Variants in TNKS2 observed in about 807,000 individuals in gnomAD.
TNKS2 encodes poly [ADP-ribose] polymerase tankyrase-2.
In TNKS2, 72 loss-of-function variants were observed where a neutral mutation model predicts 137.6. The observed-to-expected ratio is 0.52, with a 90% CI of 0.43 to 0.64. TNKS2 has a LOEUF of 0.64. Among genes scored for constraint, TNKS2 ranks in the 30% least tolerant of loss-of-function variants. The pLI is 0.00. For missense variants in TNKS2, 1,049 were observed against 1,410.2 expected (o/e 0.74, Z 4.10); for synonymous variants, 516 against 512.1 (o/e 1.01, Z -0.10).
intron 16 of TNKS2, among the ~76,000 whole-genome samples, chr10:91,844,370 C>T (rs1842302144): frequency 6.6e-6 from 1 of 152,128 alleles, no homozygotes; most frequent in Non-Finnish European, 1.5e-5. Context: ...TATTTCATGG[C>T]TTTAACAGCA....
chr10:91,862,262 A>T (rs1248324889), intron 26 of TNKS2, 107 bp downstream of exon 26: 7 of 905,390 alleles, frequency 7.7e-6, no homozygotes, highest in African/African-American at 1.7e-5. Flanking sequence ...TGGATTTTTT[A>T]AAAATTTTAT....
intron 16 of TNKS2, 87 bp from the exon 17 acceptor site, chr10:91,844,832 T>G: frequency 2.5e-6 from 2 of 792,078 alleles, no homozygotes; most frequent in Non-Finnish European, 4.0e-6. Context: ...ATGTAATGAC[T>G]TTTTTATGTT....
chr10:91,855,555 C>A, intron 22 of TNKS2, 59 bp from the exon 23 acceptor site: 1 of 1,338,326 alleles, frequency 7.5e-7, no homozygotes, highest in Non-Finnish European at 1.1e-6. Context: ...CCATGTTCCC[C>A]AAATCAGAAA....
chr10:91,808,066 T>C (rs1844387598), intron 1 of TNKS2, among the ~76,000 whole-genome samples: 1 of 151,168 alleles, frequency 6.6e-6, no homozygotes, highest in East Asian at 1.9e-4. Flanking sequence ...CAAATACTGC[T>C]ATGAACAGCA....
chr10:91,851,176 A>G, intron 20 of TNKS2, 40 bp from the exon 21 acceptor site: 2 of 1,606,878 alleles, frequency 1.2e-6, no homozygotes, highest in African/African-American at 2.7e-5. Flanking sequence ...TGTCCACCAA[A>G]TAAGTAAGCA....
rs1214192892 is a variant in TNKS2 at position 91,864,980 on chromosome 10, G to T, written c.*1981G>T. 6.6e-6 allele frequency: 1 copy of T among 152,356 alleles called. No homozygotes were observed. The allele number at this position is 152,356 out of a possible 1,614,324, so 9.4% of individuals were successfully genotyped here. A position where few individuals can be genotyped will look rare whatever the true frequency, so the allele number is the denominator to read the frequency against. ...ATCTAATCCATTGCTTAATGAGTGT[G>T]TTTTTCCATGAATGAATATACCGTG... is the stretch of plus-strand genomic sequence containing the variant. On this transcript the variant is annotated 3_prime_UTR_variant, in exon 27 of 27. Coordinates refer to ENST00000371627, the MANE Select transcript of TNKS2 (RefSeq NM_025235.4).
Position 91,817,151 on chromosome 10 carries a change from G to A in TNKS2, c.442G>A (p.Ala148Thr), listed in dbSNP as rs1844730094. The A allele has an allele frequency of 6.2e-7, 1 of 1,613,646 alleles. No homozygotes were observed. Among genetic ancestry groups the A allele is most frequent in the South Asian group, 1.1e-5 (1 of 90,918 alleles). The change falls in exon 3 of 27, where the codon GCT becomes ACT. Residue 148 changes from alanine (A) to threonine (T), a missense_variant. This residue lies in a region of TNKS2 where 374 missense variants were observed against 460.8 expected (regional missense o/e 0.81). Transcript: ENST00000371627. ...TTTTGCAGTGCTGTTACAGCATGGAGCTGAGCCAACCATCCGAAATACAGA... is the reference window on the plus strand; with the variant it reads ...TTTTGCAGTGCTGTTACAGCATGGAACTGAGCCAACCATCCGAAATACAGA... ...DVCIVLLQHG[A>T]EPTIRNTDGR... is the part of the protein sequence containing the mutation.
Position 91,798,851 on chromosome 10 carries a change from CG to C in TNKS2, c.163del (p.Ala55ArgfsTer19). 7.4e-7 allele frequency: 1 copy of C among 1,356,900 alleles called. No homozygotes were observed. The highest frequency in any genetic ancestry group is 9.5e-7 in the Non-Finnish European group (1 of 1,047,812). 84.1% of individuals were successfully genotyped at this position (1,356,900 alleles called of 1,614,324 possible). A position where few individuals can be genotyped will look rare whatever the true frequency, so the allele number is the denominator to read the frequency against. ...CCTGAGAAGGTGAACAGCCGCGACA[CG>C]GCGGGCAGGAAATCCACCCCGCTGC... ...VTPEKVNSRD[T>X]AGRKSTPLHF... On this transcript the variant is annotated frameshift_variant, in exon 1 of 27. Transcript: ENST00000371627. LOFTEE classifies it high-confidence loss of function.
At chr10:91,830,830 A>G in intron 9 of TNKS2, 93 bp from the exon 10 acceptor site, 4 of 1,081,558 alleles carry the variant, frequency 3.7e-6, no homozygotes, top group Non-Finnish European at 5.2e-6. Flanking sequence ...AAAAGATTAA[A>G]TAACTACTTG....
intron 11 of TNKS2, among the ~76,000 whole-genome samples, chr10:91,833,434 GA>G (rs1446186916): frequency 6.6e-6 from 1 of 152,028 alleles, no homozygotes. Context: ...ATAAATAAGG[GA>G]GAAGATTAAG....
intron 26 of TNKS2, 31 bp from the exon 27 acceptor site, chr10:91,862,906 A>G (rs368946476): frequency 5.5e-5 from 84 of 1,517,452 alleles, no homozygotes; most frequent in Non-Finnish European, 7.2e-5. Context: ...AAATTTTTGT[A>G]CCATTATTTG....
chr10:91,817,962 A>G (rs569736520), intron 3 of TNKS2, among the ~76,000 whole-genome samples: 1 of 152,342 alleles, frequency 6.6e-6, no homozygotes, highest in African/African-American at 2.4e-5. Flanking sequence ...GTCAAGAGCC[A>G]AAGGGGCTTT....
At chr10:91,835,352 C>T (rs1028996116) in intron 12 of TNKS2, among the ~76,000 whole-genome samples, 2 of 147,050 alleles carry the variant, frequency 1.4e-5, no homozygotes, top group East Asian at 3.9e-4. Context: ...TGCAATGGTG[C>T]AATCTCAGCT....
rs746933761 is a variant in TNKS2 at position 91,862,161 on chromosome 10, G to A, written c.3438+6G>A. On this transcript the variant is annotated splice_donor_region_variant and intron_variant, in intron 26 of 26. Coordinates refer to ENST00000371627, the MANE Select transcript of TNKS2 (RefSeq NM_025235.4). ...TTATTTACAGAGGAGAACAGGTAAT[G>A]TAGTTTTATTTGTTCATCTTCAAAA... 1 of 1,571,778 alleles carries A rather than the reference G, an allele frequency of 6.4e-7. No homozygotes were observed. The highest frequency in any genetic ancestry group is 1.4e-5 in the African/African-American group (1 of 72,980).
intron 16 of TNKS2, among the ~76,000 whole-genome samples, chr10:91,843,325 T>A (rs757824212): frequency 7.9e-5 from 12 of 152,328 alleles, no homozygotes; most frequent in Middle Eastern, 6.8e-3. Flanking sequence ...ACCTTCTCAG[T>A]GTGTCCTCCA....
intron 16 of TNKS2, among the ~76,000 whole-genome samples, chr10:91,843,519 G>A (rs539212155): frequency 6.6e-6 from 1 of 152,232 alleles, no homozygotes; most frequent in East Asian, 1.9e-4. Context: ...ATTTTGCAGG[G>A]TACAATTCAT....
At chr10:91,836,000 CGTGTGTGTGT>C (rs58777939) in intron 12 of TNKS2, among the ~76,000 whole-genome samples, 46 of 113,062 alleles carry the variant, frequency 4.1e-4, no homozygotes, top group Non-Finnish European at 4.7e-4. Context: ...ATAAGAATAC[CGTGTGTGTGT>C]GTGTGTGTGT....
chr10:91,827,275 GT>G, intron 8 of TNKS2, 72 bp downstream of exon 8: 1 of 1,213,702 alleles, frequency 8.2e-7, no homozygotes, highest in Non-Finnish European at 1.1e-6. Flanking sequence ...TTTCCTGTTT[GT>G]TTTTAGAAAT....
intron 24 of TNKS2, among the ~76,000 whole-genome samples, chr10:91,858,016 A>G (rs1368591516): frequency 6.6e-6 from 1 of 152,228 alleles, no homozygotes; most frequent in African/African-American, 2.4e-5. Flanking sequence ...TGAAAGCACA[A>G]TTACTTATTC....
Sources: allele counts gnomAD v4.1 joint callset (sites outside exome capture counted in the v4.1 genomes callset), GRCh38; gene constraint gnomAD v4.1.1; regional missense constraint gnomAD v4.1.1; transcripts MANE v1.5; gene names NCBI Gene and HGNC (gene_info 2026-07-23, HGNC 2026-07-21).